The following ZNF367 variants were observed in gnomAD, a reference collection of about 807,000 sequenced individuals.
ZNF367 encodes the protein zinc finger protein 367.
ZNF367 carries 11 observed loss-of-function variants against 31.8 expected under a neutral mutation model. That is an observed-to-expected ratio of 0.35 (90% CI 0.22 to 0.57). The LOEUF is 0.57. Ranked by LOEUF, ZNF367 falls within the 20% of genes least tolerant of loss-of-function variation. The probability of loss-of-function intolerance (pLI) is 0.85; values close to 1 mark genes in which losing one functional copy is unlikely to be tolerated. For synonymous variants in ZNF367, 199 were observed against 202.4 expected (o/e 0.98, Z 0.14); for missense variants, 353 against 484.1 (o/e 0.73, Z 2.54).
chr9:96,396,000 G>A lies in ZNF367; in HGVS notation c.572-1058C>T, dbSNP rs146838001. ...ATTTAGAGACATAATAAATGGTTGTGATAGTTGAATACAAGTTAAAATAAA... is the reference window on the plus strand; with the variant it reads ...ATTTAGAGACATAATAAATGGTTGTAATAGTTGAATACAAGTTAAAATAAA... On this transcript the variant is annotated intron_variant, in intron 2 of 4. Transcript: ENST00000375256. Among the ~76,000 whole-genome samples the A allele has an allele frequency of 1.7e-4, 26 of 152,340 alleles. No homozygotes were observed. The East Asian group carries it at 5.0e-3, about 29-fold the overall frequency.
chr9:96,398,453 G>T, intron 1 of ZNF367, 139 bp from the exon 2 acceptor site: 2 of 640,066 alleles, frequency 3.1e-6, no homozygotes, highest in Non-Finnish European at 2.5e-6. Flanking sequence ...CTATTTAGGA[G>T]GCTGAGGTAG....
intron 2 of ZNF367, among the ~76,000 whole-genome samples, chr9:96,395,478 G>C (rs984102045): frequency 1.3e-5 from 2 of 152,164 alleles, no homozygotes; most frequent in Non-Finnish European, 1.5e-5. Flanking sequence ...GGTCCTCTAA[G>C]ATCGGCACTC....
In ZNF367 at chr9:96,398,174, C is replaced by A; in HGVS notation, c.561G>T (p.Arg187Ser). The change falls in exon 2 of 5, where the codon AGG becomes AGT. Residue 187 changes from arginine to serine, a missense_variant. Arg to Ser is a moderately radical substitution (Grantham distance 110). Transcript: ENST00000375256. ...PREKSLQAHKRTHTGERPYLC... is the reference protein window; with the variant it reads ...PREKSLQAHKSTHTGERPYLC... The stretch of plus-strand genomic sequence containing the variant: ...ATTTGCTCAACTTACCTGTATGAGT[C>A]CTTTTGTGAGCCTGGAGCGATTTCT... The A allele has an allele frequency of 6.5e-7, 1 of 1,537,846 alleles. No individual in the cohort carries two copies. Among genetic ancestry groups the A allele is most frequent in the South Asian group, 1.1e-5 (1 of 89,326 alleles).
rs1457581630 is a variant in ZNF367 at position 96,416,083 on chromosome 9, TG to T, written c.420+1529del. Among the ~76,000 whole-genome samples the T allele has an allele frequency of 2.5e-3, 359 of 144,072 alleles. 1 individual carries two copies. The highest frequency in any genetic ancestry group is 9.0e-3 in the African/African-American group (337 of 37,382). 94.5% of individuals were successfully genotyped at this position (144,072 alleles called of 152,430 possible). A position where few individuals can be genotyped will look rare whatever the true frequency, so the allele number is the denominator to read the frequency against. ...CAGGCTCTGTTATGGTTTTTTTTTT[TG>T]TTGTTTTTTTTTTTTTTTTTTGAGA... On this transcript the variant is annotated intron_variant, in intron 1 of 4. Transcript: ENST00000375256.
rs1404917470 is a variant in ZNF367, at chr9:96,388,750, A to G, written c.831-291T>C. On this transcript the variant is annotated intron_variant, in intron 4 of 4. Coordinates refer to ENST00000375256, the MANE Select transcript of ZNF367 (RefSeq NM_153695.4). ...TCACCGCCTTAAAGAGCCTGTGTGA[A>G]ATGGACTTGAGTAAAATACAGAAAT... 5.3e-5 allele frequency among the ~76,000 whole-genome samples: 8 copies of G among 152,244 alleles called. No homozygotes were observed. In the South Asian group the frequency reaches 1.7e-3, roughly 32 times the overall value.
intron 3 of ZNF367, among the ~76,000 whole-genome samples, chr9:96,393,634 C>G (rs982433704): frequency 5.3e-5 from 8 of 152,134 alleles, no homozygotes; most frequent in African/African-American, 1.9e-4. Context: ...GAGTTCAAGA[C>G]CAGCCTGACC....
chr9:96,388,485 T>G, intron 4 of ZNF367, 26 bp from the exon 5 acceptor site: 1 of 1,580,510 alleles, frequency 6.3e-7, no homozygotes, highest in Non-Finnish European at 8.6e-7. Context: ...CAACATTAGT[T>G]ACATGGCAGA....
rs769374803 is a variant in ZNF367 at position 96,417,868 on chromosome 9, C to A, written c.165G>T (p.Pro55=). 2.1e-4 allele frequency: 313 copies of A among 1,498,008 alleles called. No homozygotes were observed. Among genetic ancestry groups the A allele is most frequent in the Middle Eastern group, 9.7e-4 (5 of 5,174 alleles). 92.8% of individuals were successfully genotyped at this position (1,498,008 alleles called of 1,614,324 possible). A position where few individuals can be genotyped will look rare whatever the true frequency, so the allele number is the denominator to read the frequency against. ...TGAAGCCGGGGCTGGTGGGGATGAG[C>A]GGCGGCGGCGGCTCCGGCTCCCCTC... ...GGGGEPEPPP[P]LIPTSPGFSD... The change falls in exon 1 of 5, where the codon CCG becomes CCT. Residue 55 remains proline, a synonymous_variant. Coordinates refer to ENST00000375256, the MANE Select transcript of ZNF367 (RefSeq NM_153695.4). This position sits in a 1 kb window ranked among gnomAD's most constrained non-coding sequence, Gnocchi z 5.0.
At chr9:96,392,323 G>C in intron 4 of ZNF367, 75 bp downstream of exon 4, 1 of 1,594,658 alleles carries the variant, frequency 6.3e-7, no homozygotes, top group Non-Finnish European at 8.6e-7. Flanking sequence ...AAAATGAGAG[G>C]CATGTCCAGG....
chr9:96,407,210 GGT>G (rs1220438277), intron 1 of ZNF367: 1 of 744,074 alleles, frequency 1.3e-6, no homozygotes, highest in African/African-American at 1.8e-5. Context: ...TGGGCTTGTG[GGT>G]CTTTGAGACC....
At chr9:96,415,478 CATTTTTTTTTTTTTTTTTT>C (rs1308507337) in intron 1 of ZNF367, among the ~76,000 whole-genome samples, 3 of 65,578 alleles carry the variant, frequency 4.6e-5, no homozygotes, top group South Asian at 6.0e-4. Context: ...TTAGTTTCTT[CATTTTTTTTTTTTTTTTTT>C]TTTTTTTTTT....
Position 96,396,925 on chromosome 9 carries a change from T to C in ZNF367, c.571+1239A>G, listed in dbSNP as rs190477101. 4.3e-3 allele frequency among the ~76,000 whole-genome samples: 653 copies of C among 152,208 alleles called. 4 individuals carry two copies. The highest frequency in any genetic ancestry group is 0.01 in the Middle Eastern group (3 of 294). ...CAGGTGATCCACCCACCTCGGCCTC[T>C]CAAAGTGCTGGGATTACAGGCGTCA... On this transcript the variant is annotated intron_variant, in intron 2 of 4. Transcript: ENST00000375256.
chr9:96,399,872 G>C (rs2131075286), intron 1 of ZNF367, among the ~76,000 whole-genome samples: 1 of 152,096 alleles, frequency 6.6e-6, no homozygotes, highest in African/African-American at 2.4e-5. Flanking sequence ...CTAAGAAAGA[G>C]ACTTTAGAGA....
intron 1 of ZNF367, among the ~76,000 whole-genome samples, chr9:96,399,484 T>C (rs1357625026): frequency 1.3e-5 from 2 of 152,126 alleles, no homozygotes; most frequent in African/African-American, 4.8e-5. Flanking sequence ...GCCCCTGCAC[T>C]GTAGCCTGAG....
chr9:96,398,666 AT>A (rs1176581306), intron 1 of ZNF367, among the ~76,000 whole-genome samples: 22 of 152,208 alleles, frequency 1.4e-4, no homozygotes, highest in African/African-American at 4.6e-4. Context: ...CAGAAAATAC[AT>A]TTATAGCAAC....
chr9:96,404,273 A>C (rs888864919), intron 1 of ZNF367, among the ~76,000 whole-genome samples: 4 of 151,906 alleles, frequency 2.6e-5, no homozygotes, highest in Non-Finnish European at 5.9e-5. Context: ...ATCCTGGCTA[A>C]CACGATGAAA....
intron 1 of ZNF367, among the ~76,000 whole-genome samples, chr9:96,413,772 A>C (rs973514298): frequency 1.3e-5 from 2 of 152,196 alleles, no homozygotes; most frequent in African/African-American, 4.8e-5. Flanking sequence ...CGAGGGAGGC[A>C]GTGTTGGGCA....
chr9:96,393,017 A>G (rs924137341), intron 3 of ZNF367, among the ~76,000 whole-genome samples: 1 of 152,040 alleles, frequency 6.6e-6, no homozygotes, highest in African/African-American at 2.4e-5. Context: ...CCCAGGAGGC[A>G]GAGGTTGCCG....
intron 3 of ZNF367, 45 bp from the exon 4 acceptor site, chr9:96,392,581 C>A (rs777784690): frequency 1.3e-6 from 2 of 1,544,274 alleles, no homozygotes; most frequent in South Asian, 1.2e-5. Flanking sequence ...GGACATCCAG[C>A]ACATAGACAT....
Sources: gnomAD v4.1 joint callset for allele counts (sites outside exome capture counted in the v4.1 genomes callset) on GRCh38, gnomAD v4.1.1 for gene constraint, Gnocchi (gnomAD v3.1) non-coding constraint, MANE v1.5 for transcripts, NCBI Gene and HGNC (gene_info 2026-07-23, HGNC 2026-07-21) for gene names.